The following ZNF248 variants were observed in gnomAD, a reference collection of about 807,000 sequenced individuals.
The protein encoded by ZNF248 is zinc finger protein 248.
Under a neutral mutation model 44.3 loss-of-function variants are expected in ZNF248, and 20 were observed. The observed-to-expected ratio is 0.45, with a 90% confidence interval of 0.32 to 0.66. ZNF248 has a LOEUF of 0.66. Among genes scored for constraint, ZNF248 ranks in the 30% least tolerant of loss-of-function variants. ZNF248 has a pLI of 0.04. For missense variants in ZNF248, 654 were observed against 677.0 expected, an observed-to-expected ratio of 0.97 and a Z score of 0.38; for synonymous variants, 224 against 229.0, an observed-to-expected ratio of 0.98 and a Z score of 0.20.
chr10:37,789,073 T>A (rs1242771510), intron 6 of ZNF248, among the ~76,000 whole-genome samples: 1 of 152,096 alleles, frequency 6.6e-6, no homozygotes, highest in Non-Finnish European at 1.5e-5. Flanking sequence ...GGTTTCATCA[T>A]GTTGGCCAGG....
chr10:37,761,602 G>A, the ZNF248 span, among the ~76,000 whole-genome samples: 94 of 152,278 alleles, frequency 6.2e-4, 2 homozygotes, highest in East Asian at 7.7e-4. Flanking sequence ...GCAGAGCTTC[G>A]TTGTTTCTTA....
intron 6 of ZNF248, chr10:37,819,328 A>G: frequency 1.8e-6 from 2 of 1,090,122 alleles, no homozygotes; most frequent in South Asian, 2.5e-5. Context: ...GTGAAAAGTA[A>G]TCATACAGCT....
chr10:37,820,334 G>T, intron 6 of ZNF248: 1 of 1,393,760 alleles, frequency 7.2e-7, no homozygotes, highest in Non-Finnish European at 1.0e-6. Context: ...TGAAGCACAG[G>T]CCAGCTCCCC....
intron 6 of ZNF248, among the ~76,000 whole-genome samples, chr10:37,779,869 C>T (rs1162120453): frequency 2.0e-5 from 3 of 150,992 alleles, no homozygotes; most frequent in East Asian, 1.9e-4. Flanking sequence ...TATACACCAA[C>T]AACAGACAAA....
the ZNF248 span, among the ~76,000 whole-genome samples, chr10:37,765,765 A>G: frequency 1.3e-5 from 2 of 152,232 alleles, no homozygotes; most frequent in Admixed American, 6.5e-5. Context: ...TGGGTGCAGG[A>G]CAGTGGGTGC....
chr10:37,848,739 G>A (rs1167121118), intron 3 of ZNF248, among the ~76,000 whole-genome samples: 1 of 152,262 alleles, frequency 6.6e-6, no homozygotes, highest in Middle Eastern at 3.4e-3. Context: ...GATGTTCTAG[G>A]TTCTGGCAGG....
intron 6 of ZNF248, among the ~76,000 whole-genome samples, chr10:37,798,678 T>C (rs1286029534): frequency 1.3e-5 from 2 of 152,072 alleles, no homozygotes; most frequent in African/African-American, 4.8e-5. Flanking sequence ...CATATATGTA[T>C]ACACATATAT....
At chr10:37,789,793 G>A (rs1287408764) in intron 6 of ZNF248, among the ~76,000 whole-genome samples, 2 of 152,128 alleles carry the variant, frequency 1.3e-5, no homozygotes, top group African/African-American at 4.8e-5. Context: ...AACACAGATA[G>A]GGGAAGGAGT....
intron 6 of ZNF248, among the ~76,000 whole-genome samples, chr10:37,802,079 C>A (rs1287170298): frequency 6.6e-6 from 1 of 152,208 alleles, no homozygotes; most frequent in African/African-American, 2.4e-5. Context: ...TGCTCAGTTA[C>A]TGACCTGCTA....
At chr10:37,795,490 T>TC (rs931200599) in intron 6 of ZNF248, 9 of 152,120 alleles carry the variant, frequency 5.9e-5, no homozygotes, top group Non-Finnish European at 1.0e-4. Context: ...CGTTTTTTTT[T>TC]CCCCCTCTCC....
chr10:37,801,570 C>T (rs892930646), intron 6 of ZNF248, among the ~76,000 whole-genome samples: 3 of 151,878 alleles, frequency 2.0e-5, no homozygotes, highest in Non-Finnish European at 4.4e-5. Flanking sequence ...AAAATATATA[C>T]AAGAGCCTTA....
chr10:37,831,114 A>T lies in ZNF248; in HGVS notation c.*501T>A. 1.4e-6 allele frequency: 2 copies of T among 1,418,254 alleles called. No homozygotes were observed. 87.9% of individuals were successfully genotyped at this position (1,418,254 alleles called of 1,614,324 possible). ...GACACCAATGGTATTTAGTGTAGAAAATATTAACAAATACCATAGTAGTTA... is the reference window on the plus strand; with the variant it reads ...GACACCAATGGTATTTAGTGTAGAATATATTAACAAATACCATAGTAGTTA... On this transcript the variant is annotated 3_prime_UTR_variant, in exon 6 of 6. Transcript: ENST00000395867.
chr10:37,831,798 TG>T lies in ZNF248; in HGVS notation c.1556del (p.Pro519HisfsTer55). On this transcript the variant is annotated frameshift_variant, in exon 6 of 6. Coordinates refer to ENST00000395867, the MANE Select transcript of ZNF248 (RefSeq NM_021045.3). LOFTEE classifies it high-confidence loss of function. ...TTTTCCCACATTCATTACACTTATATGGTTTCTCCCCAGTGTGAGTTCTTTG... is the reference window on the plus strand; with the variant it reads ...TTTTCCCACATTCATTACACTTATATGTTTCTCCCCAGTGTGAGTTCTTTG... Reference protein sequence around the residue: ...VHQRTHTGEKPYKCNECGKTF... With the variant: ...VHQRTHTGEKXYKCNECGKTF... 1 of 1,612,930 alleles carries T rather than the reference TG, an allele frequency of 6.2e-7. No individual in the cohort carries two copies. The highest frequency in any genetic ancestry group is 8.5e-7 in the Non-Finnish European group (1 of 1,179,232).
intron 3 of ZNF248, among the ~76,000 whole-genome samples, chr10:37,851,768 CAAAAAAAAAAAAA>C (rs57501241): frequency 1.2e-4 from 4 of 32,058 alleles, no homozygotes; most frequent in South Asian, 1.5e-3. Flanking sequence ...TCAGAATGAC[CAAAAAAAAAAAAA>C]AAAAAAAAAA....
intron 6 of ZNF248, among the ~76,000 whole-genome samples, chr10:37,787,727 TAA>T (rs1474184679): frequency 6.6e-6 from 1 of 151,336 alleles, no homozygotes; most frequent in African/African-American, 2.4e-5. Flanking sequence ...GACTCAGATA[TAA>T]GAGCTAAAAG....
the ZNF248 span, among the ~76,000 whole-genome samples, chr10:37,759,894 G>T: frequency 6.6e-6 from 1 of 152,170 alleles, no homozygotes; most frequent in East Asian, 1.9e-4. Flanking sequence ...TGCTGGAAAT[G>T]AAGACAGACC....
chr10:37,793,201 G>A (rs542596304), intron 6 of ZNF248, among the ~76,000 whole-genome samples: 8 of 152,146 alleles, frequency 5.3e-5, no homozygotes, highest in Admixed American at 4.6e-4. Context: ...CAGGCATGGT[G>A]GCACATGCCT....
At chr10:37,773,232 A>T (rs548011730), downstream of ZNF248, among the ~76,000 whole-genome samples, 1 of 152,302 alleles carries the variant, frequency 6.6e-6, no homozygotes, top group South Asian at 2.1e-4. Context: ...GCAACAGAAC[A>T]AGACTCCGTC....
the ZNF248 span, among the ~76,000 whole-genome samples, chr10:37,768,880 C>A: frequency 1.3e-5 from 2 of 151,832 alleles, no homozygotes; most frequent in Admixed American, 6.6e-5. Context: ...GCTAGCAAGA[C>A]TAATAAAGAA....
Sources: gnomAD v4.1 joint callset for allele counts (sites outside exome capture counted in the v4.1 genomes callset) on GRCh38, gnomAD v4.1.1 for gene constraint, MANE v1.5 for transcripts, NCBI Gene and HGNC (gene_info 2026-07-23, HGNC 2026-07-21) for gene names.